SDK1: variants seen among roughly 807,000 people sequenced by gnomAD.
The protein encoded by SDK1 is sidekick cell adhesion molecule 1.
A neutral mutation model predicts 245.5 loss-of-function variants in SDK1; 157 were observed. That is an observed-to-expected ratio of 0.64 (90% CI 0.56 to 0.73). The LOEUF is 0.73. Among genes scored for constraint, SDK1 ranks in the 30% least tolerant of loss-of-function variants. The probability of loss-of-function intolerance (pLI) is 0.00; values close to 1 mark genes in which losing one functional copy is unlikely to be tolerated. For missense variants in SDK1, 3,583 were observed against 3,002.3 expected (o/e 1.19, Z -4.52); for synonymous variants, 1,647 against 1,278.5 (o/e 1.29, Z -6.15).
At chr7:3,555,963 C>T (rs10241070) in intron 1 of SDK1, among the ~76,000 whole-genome samples, 37,120 of 151,884 alleles carry the variant, frequency 0.24, 4,794 homozygotes, top group East Asian at 0.35. Context: ...CATACACTAT[C>T]GGTGGGAATG....
At chr7:3,350,520 TTAA>T (rs1780631743) in intron 1 of SDK1, among the ~76,000 whole-genome samples, 1 of 152,234 alleles carries the variant, frequency 6.6e-6, no homozygotes, top group South Asian at 2.1e-4. Context: ...TTGTTGTAAA[TTAA>T]TAATACTGAT....
intron 1 of SDK1, among the ~76,000 whole-genome samples, chr7:3,502,229 T>A (rs951016620): frequency 1.3e-5 from 2 of 151,794 alleles, no homozygotes; most frequent in Admixed American, 1.3e-4. Context: ...AAAGATTTTT[T>A]TTTAATTAAT....
chr7:3,931,464 A>G (rs1025706745), intron 5 of SDK1, among the ~76,000 whole-genome samples: 1 of 152,244 alleles, frequency 6.6e-6, no homozygotes, highest in South Asian at 2.1e-4. Flanking sequence ...ATCCTAACCA[A>G]CATCAAGGAA....
chr7:3,417,340 T>C (rs1261164654), intron 1 of SDK1, among the ~76,000 whole-genome samples: 4 of 152,164 alleles, frequency 2.6e-5, no homozygotes, highest in African/African-American at 9.7e-5. Flanking sequence ...TCCCCGACTC[T>C]TCGTCTTCTT....
intron 5 of SDK1, among the ~76,000 whole-genome samples, chr7:3,918,661 A>T (rs938741067): frequency 2.0e-5 from 3 of 152,186 alleles, no homozygotes; most frequent in Admixed American, 6.5e-5. Flanking sequence ...CATCCCCCCG[A>T]CATTGGTAGA....
intron 35 of SDK1, among the ~76,000 whole-genome samples, chr7:4,179,937 G>A (rs1265810445): frequency 2.0e-5 from 3 of 151,878 alleles, no homozygotes; most frequent in South Asian, 2.1e-4. Context: ...CAAGCAGAAG[G>A]TGTGGGTGTC....
At chr7:3,694,968 T>C (rs894030195) in intron 4 of SDK1, among the ~76,000 whole-genome samples, 1 of 152,216 alleles carries the variant, frequency 6.6e-6, no homozygotes, top group Admixed American at 6.5e-5. Context: ...CTTATTGATC[T>C]ACCAAACATG....
chr7:4,105,593 C>T (rs887281297), intron 22 of SDK1, among the ~76,000 whole-genome samples: 3 of 152,204 alleles, frequency 2.0e-5, no homozygotes, highest in African/African-American at 7.2e-5. Flanking sequence ...GCGTGAGCCA[C>T]CACGCCTGGC....
At chr7:4,166,327 C>G (rs1427570194) in intron 32 of SDK1, among the ~76,000 whole-genome samples, 1 of 152,238 alleles carries the variant, frequency 6.6e-6, no homozygotes, top group Non-Finnish European at 1.5e-5. Flanking sequence ...CCAGAGGGGA[C>G]TGAGGCAGGC....
intron 1 of SDK1, among the ~76,000 whole-genome samples, chr7:3,571,192 A>C (rs1298941112): frequency 1.3e-5 from 2 of 152,074 alleles, no homozygotes; most frequent in African/African-American, 4.8e-5. Context: ...GAACTGCGTA[A>C]ATTTTAAAAA....
intron 4 of SDK1, among the ~76,000 whole-genome samples, chr7:3,813,382 A>G (rs1001512629): frequency 2.1e-5 from 3 of 145,704 alleles, no homozygotes; most frequent in Non-Finnish European, 3.0e-5. Context: ...TGTTCTTGCG[A>G]TAGTTTACTG....
intron 19 of SDK1, among the ~76,000 whole-genome samples, chr7:4,065,459 T>G (rs200863359): frequency 1.3e-4 from 19 of 151,758 alleles, no homozygotes; most frequent in African/African-American, 4.4e-4. Context: ...AGCAGAAACA[T>G]AATATAAAAG....
At chr7:4,159,771 A>G (rs1053694254) in intron 31 of SDK1, among the ~76,000 whole-genome samples, 1 of 152,222 alleles carries the variant, frequency 6.6e-6, no homozygotes, top group African/African-American at 2.4e-5. Flanking sequence ...AAAAATACAA[A>G]TTAAAGATAT....
intron 40 of SDK1, among the ~76,000 whole-genome samples, chr7:4,229,589 T>C (rs1017137113): frequency 3.3e-5 from 5 of 152,306 alleles, no homozygotes; most frequent in East Asian, 1.9e-4. Context: ...ATTTTTTTTT[T>C]CCTCAGGAGC....
intron 19 of SDK1, among the ~76,000 whole-genome samples, chr7:4,060,117 G>A (rs550347803): frequency 9.5e-4 from 145 of 152,136 alleles, no homozygotes; most frequent in Middle Eastern, 3.4e-3. Flanking sequence ...TCCTGACCTC[G>A]TGATCCGCCC....
In SDK1 at chr7:3,355,666, G is replaced by A. The variant is rs1015555609; in HGVS notation, c.298+53782G>A. On this transcript the variant is annotated intron_variant, in intron 1 of 44. Transcript: ENST00000404826. ...CTGGGAATACCCTCAGCTTTCCACC[G>A]ACAAATCTATTCCTGCAGACACCCG... Among the ~76,000 whole-genome samples the A allele has an allele frequency of 5.3e-5, 8 of 152,010 alleles. No individual in the cohort carries two copies. The East Asian group carries it at 5.8e-4, about 11-fold the overall frequency.
At chr7:3,765,983 A>G (rs573860401) in intron 4 of SDK1, among the ~76,000 whole-genome samples, 6 of 152,194 alleles carry the variant, frequency 3.9e-5, no homozygotes, top group Non-Finnish European at 8.8e-5. Context: ...TAGGAGCAAT[A>G]ACATTGTAAT....
At chr7:3,551,560 GTTTT>G (rs529424717) in intron 1 of SDK1, among the ~76,000 whole-genome samples, 1 of 143,746 alleles carries the variant, frequency 7.0e-6, no homozygotes, top group African/African-American at 2.5e-5. Context: ...TGCCTCATTG[GTTTT>G]TTTTTTTTTA....
rs115159743 is a variant in SDK1, at chr7:3,328,027, T to G, written c.298+26143T>G. Among the ~76,000 whole-genome samples, 705 of 152,244 alleles carry G rather than the reference T, an allele frequency of 4.6e-3. 6 individuals are homozygous for G. Among genetic ancestry groups the G allele is most frequent in the African/African-American group, 0.016 (675 of 41,556 alleles). ...CCTCTGGAGGCTGTGAAAATTAGAT[T>G]ACTATGTGGAGCATATTCAGAATAG... On this transcript the variant is annotated intron_variant, in intron 1 of 44. Transcript: ENST00000404826.
Sources: gnomAD v4.1 joint callset for allele counts (sites outside exome capture counted in the v4.1 genomes callset) on GRCh38, gnomAD v4.1.1 for gene constraint, MANE v1.5 for transcripts, NCBI Gene and HGNC (gene_info 2026-07-23, HGNC 2026-07-21) for gene names.